The following ZFPM2 variants were observed in gnomAD, a reference collection of about 807,000 sequenced individuals.
The protein encoded by ZFPM2 is zinc finger protein ZFPM2.
Under a neutral mutation model 98.6 loss-of-function variants are expected in ZFPM2, and 20 were observed. The observed-to-expected ratio is 0.20, with a 90% confidence interval of 0.14 to 0.29. The LOEUF is 0.29. Among genes scored for constraint, ZFPM2 ranks in the 10% least tolerant of loss-of-function variants. The pLI is 1.00. For missense variants in ZFPM2, 1,310 were observed against 1,388.6 expected, an observed-to-expected ratio of 0.94 and a Z score of 0.90; for synonymous variants, 518 against 502.7, an observed-to-expected ratio of 1.03 and a Z score of -0.41.
intron 5 of ZFPM2, among the ~76,000 whole-genome samples, chr8:105,646,494 G>A (rs1178253224): frequency 6.6e-6 from 1 of 152,072 alleles, no homozygotes; most frequent in Non-Finnish European, 1.5e-5. Context: ...GCTTCTGCGG[G>A]GTCCCCTTGG....
intron 1 of ZFPM2, among the ~76,000 whole-genome samples, chr8:105,331,974 T>C (rs1193373563): frequency 2.6e-5 from 4 of 151,720 alleles, no homozygotes; most frequent in Non-Finnish European, 4.4e-5. Context: ...ACCAGATCTG[T>C]TCCTTATGTC....
At chr8:105,729,334 G>C (rs997463784) in intron 5 of ZFPM2, among the ~76,000 whole-genome samples, 2 of 151,088 alleles carry the variant, frequency 1.3e-5, no homozygotes, top group Admixed American at 1.3e-4. Context: ...AAGCACTCAG[G>C]TTTTTAAATT....
chr8:105,708,951 A>G (rs190442654), intron 5 of ZFPM2, among the ~76,000 whole-genome samples: 3 of 152,316 alleles, frequency 2.0e-5, no homozygotes, highest in Admixed American at 2.0e-4. Context: ...TTCATAGAGC[A>G]CAACTTCTAC....
At chr8:105,390,051 A>G (rs1376890483) in intron 1 of ZFPM2, among the ~76,000 whole-genome samples, 2 of 152,176 alleles carry the variant, frequency 1.3e-5, no homozygotes, top group African/African-American at 4.8e-5. Context: ...ATTTGTATTT[A>G]ACTAGTCTCA....
intron 5 of ZFPM2, among the ~76,000 whole-genome samples, chr8:105,755,006 G>A (rs529193996): frequency 5.3e-5 from 8 of 152,124 alleles, no homozygotes; most frequent in African/African-American, 9.6e-5. Context: ...GTGCGCATGC[G>A]TGTGTGTTGC....
Position 105,561,463 on chromosome 8 carries a change from C to T in ZFPM2, c.402C>T (p.Asp134=). Residue 134 remains aspartate, a synonymous_variant, in exon 4 of 8, where the codon GAC becomes GAT. Transcript: ENST00000407775. The part of the protein sequence containing the change: ...TTWGPFPGKM[D]LNNNSLKTKA... Reference sequence around the variant, plus strand: ...GGGGGCCGTTTCCTGGGAAGATGGACTTGAATAATAATTCTTTGGTATGTG... The same window carrying T: ...GGGGGCCGTTTCCTGGGAAGATGGATTTGAATAATAATTCTTTGGTATGTG... 6.2e-7 allele frequency: 1 copy of T among 1,612,086 alleles called. No homozygotes were observed. The highest frequency in any genetic ancestry group is 1.3e-5 in the African/African-American group (1 of 74,878).
intron 3 of ZFPM2, among the ~76,000 whole-genome samples, chr8:105,542,673 G>A (rs12680936): frequency 0.68 from 103,151 of 152,002 alleles, 36,665 homozygotes; most frequent in African/African-American, 0.92. Flanking sequence ...GTATCCTGCA[G>A]GAGGTCCTGG....
At chr8:105,641,199 G>A (rs1450253606) in intron 5 of ZFPM2, among the ~76,000 whole-genome samples, 1 of 151,976 alleles carries the variant, frequency 6.6e-6, no homozygotes, top group Non-Finnish European at 1.5e-5. Flanking sequence ...GAGTCCACAT[G>A]CCAGCTCAGA....
chr8:105,378,362 G>A (rs371810095), intron 1 of ZFPM2, among the ~76,000 whole-genome samples: 2 of 152,022 alleles, frequency 1.3e-5, no homozygotes, highest in Admixed American at 6.6e-5. Context: ...GAAAACTTAC[G>A]ATATTTCCAA....
chr8:105,773,188 G>C (rs1813020928), intron 5 of ZFPM2, among the ~76,000 whole-genome samples: 1 of 152,134 alleles, frequency 6.6e-6, no homozygotes, highest in South Asian at 2.1e-4. Context: ...ACTGTCATTT[G>C]AAATTGACTC....
chr8:105,670,206 G>A (rs1817563780), intron 5 of ZFPM2, among the ~76,000 whole-genome samples: 1 of 152,038 alleles, frequency 6.6e-6, no homozygotes, highest in Non-Finnish European at 1.5e-5. Flanking sequence ...CAGATTAAGA[G>A]CTGAAACTGG....
chr8:105,712,891 T>C (rs990739191), intron 5 of ZFPM2, among the ~76,000 whole-genome samples: 5 of 152,246 alleles, frequency 3.3e-5, no homozygotes, highest in Admixed American at 3.3e-4. Flanking sequence ...ATGATATCAT[T>C]CTTTTTTTAT....
At chr8:105,418,730 A>G in intron 1 of ZFPM2, 1 of 487,460 alleles carries the variant, frequency 2.1e-6, no homozygotes, top group East Asian at 5.6e-5. Flanking sequence ...GCATTCAATT[A>G]CTTTAAATCT....
chr8:105,545,240 C>T (rs930059989), intron 3 of ZFPM2, among the ~76,000 whole-genome samples: 2 of 152,090 alleles, frequency 1.3e-5, no homozygotes, highest in African/African-American at 4.8e-5. Flanking sequence ...GAAACACTGC[C>T]AATTTTCCCA....
At chr8:105,721,407 A>T (rs541026957) in intron 5 of ZFPM2, among the ~76,000 whole-genome samples, 16 of 152,100 alleles carry the variant, frequency 1.1e-4, no homozygotes, top group Non-Finnish European at 2.4e-4. Flanking sequence ...TTTCATCATG[A>T]TTCATGTAGC....
intron 3 of ZFPM2, among the ~76,000 whole-genome samples, chr8:105,523,902 A>G (rs1814115050): frequency 6.6e-6 from 1 of 152,174 alleles, no homozygotes; most frequent in African/African-American, 2.4e-5. Context: ...TAGTGGCAGC[A>G]TCACAGTGAA....
intron 5 of ZFPM2, among the ~76,000 whole-genome samples, chr8:105,739,862 C>A (rs1352010188): frequency 1.3e-5 from 2 of 151,972 alleles, no homozygotes; most frequent in Non-Finnish European, 2.9e-5. Context: ...AATGCCCATA[C>A]AAATAATAGA....
chr8:105,789,958 G>T (rs1295049170), intron 6 of ZFPM2, among the ~76,000 whole-genome samples: 90 of 151,424 alleles, frequency 5.9e-4, no homozygotes, highest in East Asian at 1.9e-3. Flanking sequence ...TAAATTTGTT[G>T]GAGTTCATTG....
intron 1 of ZFPM2, among the ~76,000 whole-genome samples, chr8:105,331,188 CAT>C (rs1554595082): frequency 1.3e-5 from 2 of 149,462 alleles, no homozygotes; most frequent in African/African-American, 4.9e-5. Context: ...CACACACACA[CAT>C]ATATATACAC....
Sources: gnomAD v4.1 joint callset for allele counts (sites outside exome capture counted in the v4.1 genomes callset) on GRCh38, gnomAD v4.1.1 for gene constraint, MANE v1.5 for transcripts, NCBI Gene and HGNC (gene_info 2026-07-23, HGNC 2026-07-21) for gene names.